The following TJP2 variants were observed in gnomAD, a reference collection of about 807,000 sequenced individuals.
TJP2 encodes the protein Friedreich ataxia region gene X104 (tight junction protein ZO-2).
A neutral mutation model predicts 133.1 loss-of-function variants in TJP2; 91 were observed. That is an observed-to-expected ratio of 0.68 (90% confidence interval 0.58 to 0.81). The LOEUF (loss-of-function observed/expected upper bound fraction) is 0.81. Among genes scored for constraint, TJP2 ranks in the 40% least tolerant of loss-of-function variants. The probability of loss-of-function intolerance (pLI) is 0.00; values close to 1 mark genes in which losing one functional copy is unlikely to be tolerated. For missense variants in TJP2, 1,541 were observed against 1,565.6 expected (o/e 0.98, Z 0.26); for synonymous variants, 592 against 583.4 (o/e 1.01, Z -0.21).
At chr9:69,200,595 T>C (rs745632742) in intron 1 of TJP2, among the ~76,000 whole-genome samples, 8 of 152,194 alleles carry the variant, frequency 5.3e-5, no homozygotes, top group Non-Finnish European at 1.0e-4. Context: ...GATCTTGCTT[T>C]GTTGCCTAGC....
intron 1 of TJP2, among the ~76,000 whole-genome samples, chr9:69,205,699 A>G (rs1341114733): frequency 6.6e-6 from 1 of 152,238 alleles, no homozygotes; most frequent in Non-Finnish European, 1.5e-5. Flanking sequence ...CAGTTTGAAC[A>G]TGTGTGAGTG....
intron 10 of TJP2, 43 bp from the exon 11 acceptor site, chr9:69,230,039 A>G (rs1261886788): frequency 3.1e-6 from 5 of 1,612,302 alleles, no homozygotes; most frequent in Non-Finnish European, 4.2e-6. Flanking sequence ...CCCTTTTAAA[A>G]AATATCTCCC....
At chr9:69,188,159 C>G (rs965986147) in intron 1 of TJP2, among the ~76,000 whole-genome samples, 1 of 152,154 alleles carries the variant, frequency 6.6e-6, no homozygotes, top group African/African-American at 2.4e-5. Flanking sequence ...CTAACCATGA[C>G]GGAGCCCAGG....
upstream of TJP2, chr9:69,121,445 C>G: frequency 1.4e-6 from 1 of 740,570 alleles, no homozygotes; most frequent in Admixed American, 6.3e-5. Flanking sequence ...CTGCCCCCAC[C>G]CTGGATTTTT....
At chr9:69,146,161 C>G (rs1042336973) in intron 1 of TJP2, among the ~76,000 whole-genome samples, 8 of 152,098 alleles carry the variant, frequency 5.3e-5, no homozygotes, top group African/African-American at 1.9e-4. Flanking sequence ...TGCCTTATTA[C>G]TATAATGTTT....
rs377138769 is a variant in TJP2 at position 69,248,020 on chromosome 9, G to A, written c.2676G>A (p.Gly892=). 9.3e-6 allele frequency: 15 copies of A among 1,605,560 alleles called. No homozygotes were observed. Among genetic ancestry groups the A allele is most frequent in the Non-Finnish European group, 1.3e-5 (15 of 1,174,328 alleles). ...AACACAAATTCCTCTAGATGGAAGG[G>A]ATGGATGATGACCCCGAAGACCGCA... ...AVWVSEGKME[G]MDDDPEDRMS... Residue 892 remains glycine, a synonymous_variant, in exon 19 of 23, where the codon GGG becomes GGA. Transcript: ENST00000377245.
intron 2 of TJP2, among the ~76,000 whole-genome samples, chr9:69,153,027 C>T (rs1312176563): frequency 6.6e-6 from 1 of 150,620 alleles, no homozygotes; most frequent in Non-Finnish European, 1.5e-5. Context: ...AGTTTGAAAC[C>T]AGCCTAGGCA....
At chr9:69,228,207 C>T in intron 9 of TJP2, 93 bp downstream of exon 9, 1 of 1,469,108 alleles carries the variant, frequency 6.8e-7, no homozygotes, top group East Asian at 2.5e-5. Flanking sequence ...TCCTTTGCAG[C>T]CACGTGGATG....
At chr9:69,205,123 A>T in intron 1 of TJP2, 1 of 1,536,646 alleles carries the variant, frequency 6.5e-7, no homozygotes, top group Non-Finnish European at 8.7e-7. Flanking sequence ...AGCAGCCCGG[A>T]ATGTAGGCGG....
intron 12 of TJP2, 64 bp downstream of exon 12, chr9:69,234,611 G>T: frequency 2.0e-6 from 2 of 1,018,736 alleles, no homozygotes; most frequent in Non-Finnish European, 1.5e-6. Flanking sequence ...GATGAGAGAG[G>T]TGTCTTGGTA....
chr9:69,140,574 G>A (rs7864925), intron 1 of TJP2, among the ~76,000 whole-genome samples: 2,880 of 152,300 alleles, frequency 0.019, 97 homozygotes, highest in African/African-American at 0.065. Context: ...CAAGTTCCCA[G>A]TTCTGATGTG....
chr9:69,137,466 G>T (rs765198933), intron 1 of TJP2, among the ~76,000 whole-genome samples: 1 of 150,762 alleles, frequency 6.6e-6, no homozygotes, highest in Non-Finnish European at 1.5e-5. Flanking sequence ...AGGCTCAAAC[G>T]ATCCTCTCGC....
intron 1 of TJP2, among the ~76,000 whole-genome samples, chr9:69,146,331 C>G (rs1823209867): frequency 6.6e-6 from 1 of 152,182 alleles, no homozygotes; most frequent in Non-Finnish European, 1.5e-5. Flanking sequence ...TGCATAGCTA[C>G]AAGCCTTAGT....
chr9:69,225,413 T>C lies in TJP2; in HGVS notation c.1056+6T>C, dbSNP rs1207330632. 1.3e-6 allele frequency: 2 copies of C among 1,597,980 alleles called. No individual in the cohort carries two copies. Among genetic ancestry groups the C allele is most frequent in the South Asian group, 2.2e-5 (2 of 90,518 alleles). On this transcript the variant is annotated splice_donor_region_variant and intron_variant, in intron 6 of 22. Transcript: ENST00000377245. ...AAGGAGACATAATTCTCAAGGTGGG[T>C]AGATGGGGGCAGAGAACGGTAGTGT...
intron 2 of TJP2, among the ~76,000 whole-genome samples, chr9:69,159,183 C>T (rs1278167773): frequency 4.0e-5 from 6 of 151,784 alleles, no homozygotes; most frequent in South Asian, 4.2e-4. Context: ...GGTGTGGTGG[C>T]GGGCGCCTGT....
At chr9:69,164,071 T>C (rs1021775185) in intron 2 of TJP2, among the ~76,000 whole-genome samples, 1 of 152,150 alleles carries the variant, frequency 6.6e-6, no homozygotes, top group African/African-American at 2.4e-5. Flanking sequence ...ACCATAAATT[T>C]TATGAGCCAC....
intron 1 of TJP2, among the ~76,000 whole-genome samples, chr9:69,197,990 T>C (rs1047888047): frequency 6.6e-6 from 1 of 152,178 alleles, no homozygotes; most frequent in Non-Finnish European, 1.5e-5. Flanking sequence ...AGCAGTGGAA[T>C]TGAGTGAGCG....
intron 2 of TJP2, among the ~76,000 whole-genome samples, chr9:69,167,701 C>G (rs750699487): frequency 7.2e-5 from 11 of 151,916 alleles, no homozygotes; most frequent in Non-Finnish European, 1.3e-4. Flanking sequence ...AACTCCACCT[C>G]TACTAAAAAT....
intron 13 of TJP2, 121 bp from the exon 14 acceptor site, chr9:69,236,828 T>C (rs1830225303): frequency 2.5e-6 from 3 of 1,211,736 alleles, no homozygotes; most frequent in Non-Finnish European, 3.7e-6. Context: ...CTGAAACTTC[T>C]TCATTGTCAA....
Sources: gnomAD v4.1 joint callset for allele counts (sites outside exome capture counted in the v4.1 genomes callset) on GRCh38, gnomAD v4.1.1 for gene constraint, MANE v1.5 for transcripts, NCBI Gene and HGNC (gene_info 2026-07-23, HGNC 2026-07-21) for gene names.